The following CUX2 variants were observed in gnomAD, a reference collection of about 807,000 sequenced individuals.
CUX2 encodes the protein cut like homeobox 2, also known as homeobox protein cut-like 2.
CUX2 carries 40 observed loss-of-function variants against 144.8 expected under a neutral mutation model. The ratio of observed to expected loss-of-function variants is 0.28; its 90% confidence interval spans 0.21 to 0.36. The LOEUF (loss-of-function observed/expected upper bound fraction) is 0.36, where lower values mean the gene tolerates loss of function less well. Among genes scored for constraint, CUX2 ranks in the 10% least tolerant of loss-of-function variants. CUX2 has a pLI of 1.00. For missense variants in CUX2, 1,615 were observed against 1,994.0 expected (o/e 0.81, Z 3.62); for synonymous variants, 827 against 875.6 (o/e 0.94, Z 0.98).
At chr12:111,345,507 G>A (rs1416453424) in intron 21 of CUX2, among the ~76,000 whole-genome samples, 14 of 151,102 alleles carry the variant, frequency 9.3e-5, no homozygotes. Context: ...ACTTTGGGAG[G>A]CCAAGGCGGG....
chr12:111,206,339 A>G (rs1258025133), intron 1 of CUX2, among the ~76,000 whole-genome samples: 1 of 152,222 alleles, frequency 6.6e-6, no homozygotes, highest in Non-Finnish European at 1.5e-5. Context: ...CTAAGAAAAA[A>G]AAAGTTAAGG....
At position 111,350,145 on chromosome 12, in the gene CUX2, C is replaced by T. The variant is rs1349493290; in HGVS notation, c.*1820C>T. 1 of 152,496 alleles carries T rather than the reference C, an allele frequency of 6.6e-6. No homozygotes were observed. Among genetic ancestry groups the T allele is most frequent in the Non-Finnish European group, 1.5e-5 (1 of 68,044 alleles). 9.4% of individuals were successfully genotyped at this position (152,496 alleles called of 1,614,324 possible). A position where few individuals can be genotyped will look rare whatever the true frequency, so the allele number is the denominator to read the frequency against. On this transcript the variant is annotated 3_prime_UTR_variant, in exon 22 of 22. Coordinates refer to ENST00000261726, the MANE Select transcript of CUX2 (RefSeq NM_015267.4). ...TATTTTGACAATAGGAAACAGTGACCATTTTCAGAGTAATCAAATCTGGAA... is the reference window on the plus strand; with the variant it reads ...TATTTTGACAATAGGAAACAGTGACTATTTTCAGAGTAATCAAATCTGGAA...
chr12:111,233,991 T>C (rs1882611095), intron 3 of CUX2, among the ~76,000 whole-genome samples: 1 of 151,992 alleles, frequency 6.6e-6, no homozygotes, highest in Admixed American at 6.5e-5. Flanking sequence ...ATGGCCCTCC[T>C]AGGAGGTTCT....
rs1415714184 is a variant in CUX2 at position 111,186,098 on chromosome 12, T to G, written c.64-28102T>G. On this transcript the variant is annotated intron_variant, in intron 1 of 21. Transcript: ENST00000261726. This position sits in a 1 kb window ranked among gnomAD's most constrained non-coding sequence, Gnocchi z 4.4. ...GCCCTCTGTTCTGCCCTCGCCCCCT[T>G]TCTGTCTCCGTCTCACTAGATTTCG... 6.6e-6 allele frequency among the ~76,000 whole-genome samples: 1 copy of G among 151,916 alleles called. No individual in the cohort carries two copies. The highest frequency in any genetic ancestry group is 2.4e-5 in the African/African-American group (1 of 41,342).
chr12:111,323,785 A>T (rs895659413), intron 18 of CUX2, among the ~76,000 whole-genome samples: 8 of 145,862 alleles, frequency 5.5e-5, no homozygotes, highest in African/African-American at 2.1e-4. Flanking sequence ...GGCCGAGCAC[A>T]GTGGCTCACG....
intron 1 of CUX2, among the ~76,000 whole-genome samples, chr12:111,212,181 G>T (rs917831310): frequency 6.6e-6 from 1 of 152,216 alleles, no homozygotes; most frequent in Admixed American, 6.5e-5. Context: ...GTTGTGGTCA[G>T]TTGTAGTTTC....
intron 3 of CUX2, among the ~76,000 whole-genome samples, chr12:111,226,536 A>C (rs1882155174): frequency 6.6e-6 from 1 of 152,172 alleles, no homozygotes; most frequent in Admixed American, 6.5e-5. Context: ...CCAGTTAAGT[A>C]GTTATTTGCA....
chr12:111,040,091 A>G (rs1592841887), intron 1 of CUX2, among the ~76,000 whole-genome samples: 1 of 151,536 alleles, frequency 6.6e-6, no homozygotes, highest in Admixed American at 6.6e-5. Flanking sequence ...GTTTGAGACC[A>G]GCCTGGGCAA....
intron 18 of CUX2, among the ~76,000 whole-genome samples, chr12:111,334,136 G>A (rs529313795): frequency 4.6e-4 from 70 of 150,746 alleles, no homozygotes; most frequent in African/African-American, 1.6e-3. Flanking sequence ...GCAGTGAGCC[G>A]AGATCACACC....
Position 111,333,817 on chromosome 12 carries a change from A to T in CUX2, c.2927-624A>T, listed in dbSNP as rs1255572140. Among the ~76,000 whole-genome samples, 4 of 152,048 alleles carry T rather than the reference A, an allele frequency of 2.6e-5. No homozygotes were observed. In the South Asian group the frequency reaches 6.2e-4, roughly 24 times the overall value. On this transcript the variant is annotated intron_variant, in intron 18 of 21. Transcript: ENST00000261726. Reference sequence around the variant, plus strand: ...GGTTGCAGTGAGCCGAGATCGCACCACTGCACTCCAGCCTGGGTGACAGAG... The same window carrying T: ...GGTTGCAGTGAGCCGAGATCGCACCTCTGCACTCCAGCCTGGGTGACAGAG...
intron 3 of CUX2, among the ~76,000 whole-genome samples, chr12:111,253,348 A>C: frequency 1.7e-5 from 2 of 118,248 alleles, no homozygotes; most frequent in Admixed American, 9.6e-5. Flanking sequence ...TTCGTCTACC[A>C]TCTCCCGCCA....
rs189763099 is a variant in CUX2, at chr12:111,308,931, G to A, written c.1258+405G>A. Reference sequence around the variant, plus strand: ...CCGCTGACTTTTTTTTTGAGACCGAGTCTCTCTCTGTCGCCCAGGCTGGAG... The same window carrying A: ...CCGCTGACTTTTTTTTTGAGACCGAATCTCTCTCTGTCGCCCAGGCTGGAG... On this transcript the variant is annotated intron_variant, in intron 14 of 21. Coordinates refer to ENST00000261726, the MANE Select transcript of CUX2 (RefSeq NM_015267.4). Among the ~76,000 whole-genome samples the A allele has an allele frequency of 3.8e-3, 578 of 152,172 alleles. 4 individuals carry two copies. The highest frequency in any genetic ancestry group is 6.0e-3 in the Non-Finnish European group (411 of 67,980).
At chr12:111,347,366 G>A (rs768665322) in intron 21 of CUX2, among the ~76,000 whole-genome samples, 158 bp from the exon 22 acceptor site, 42 of 152,184 alleles carry the variant, frequency 2.8e-4, no homozygotes, top group African/African-American at 9.9e-4. Flanking sequence ...ACCTTGTGGC[G>A]TTGTTGAGAA....
At position 111,310,166 on chromosome 12, in the gene CUX2, C is replaced by T; in HGVS notation, c.1384C>T (p.Pro462Ser). ...CCCCCTGTCTCCCAGCCCCGGGCAG[C>T]CCCTGCTGGGCCCCAGCTTGGGGCC... The part of the protein sequence containing the change: ...EDPLSPSPGQ[P>S]LLGPSLGPDG... Residue 462 changes from proline (P) to serine (S), a missense_variant, in exon 15 of 22, where the codon CCC becomes TCC. Physicochemically the swap from Pro to Ser is moderately conservative, Grantham distance 74 (BLOSUM62 -1). Coordinates refer to ENST00000261726, the MANE Select transcript of CUX2 (RefSeq NM_015267.4). This position sits in a 1 kb window ranked among gnomAD's most constrained non-coding sequence, Gnocchi z 7.9. 1.3e-6 allele frequency: 2 copies of T among 1,554,336 alleles called. No homozygotes were observed. The highest frequency in any genetic ancestry group is 2.0e-5 in the Admixed American group (1 of 49,384).
At chr12:111,151,541 G>A (rs1003617898) in intron 1 of CUX2, among the ~76,000 whole-genome samples, 4 of 152,176 alleles carry the variant, frequency 2.6e-5, no homozygotes, top group Non-Finnish European at 5.9e-5. Context: ...TCGCAGTTTC[G>A]TCTGGATTTG....
chr12:111,277,657 T>C lies in CUX2; in HGVS notation c.302-13761T>C, dbSNP rs555783165. ...CCAGGAGGGCAGGAATTTTCTATCA[T>C]TTCCTGCTGGACCTCCACGGCCCAG... On this transcript the variant is annotated intron_variant, in intron 4 of 21. Coordinates refer to ENST00000261726, the MANE Select transcript of CUX2 (RefSeq NM_015267.4). This position sits in a 1 kb window ranked among gnomAD's most constrained non-coding sequence, Gnocchi z 5.0. Among the ~76,000 whole-genome samples, 4 of 152,252 alleles carry C rather than the reference T, an allele frequency of 2.6e-5. No homozygotes were observed. In the South Asian group the frequency reaches 6.2e-4, roughly 24 times the overall value.
intron 14 of CUX2, among the ~76,000 whole-genome samples, chr12:111,308,969 A>G (rs897233110): frequency 2.0e-5 from 3 of 151,074 alleles, no homozygotes; most frequent in African/African-American, 7.3e-5. Flanking sequence ...CAGTGGTGTG[A>G]TCTCGGCTCA....
At chr12:111,208,689 T>C (rs1024143118) in intron 1 of CUX2, among the ~76,000 whole-genome samples, 2 of 152,182 alleles carry the variant, frequency 1.3e-5, no homozygotes, top group Admixed American at 1.3e-4. Context: ...TGACGGGACA[T>C]GAAATTGTAA....
chr12:111,320,411 C>G lies in CUX2; in HGVS notation c.2402C>G (p.Ala801Gly). The change falls in exon 17 of 22, where the codon GCC becomes GGC. Residue 801 changes from alanine to glycine, a missense_variant. Around this residue, in one of 12 missense-constraint regions of CUX2, gnomAD observed 390 missense variants for 387.1 expected, o/e 1.01. Coordinates refer to ENST00000261726, the MANE Select transcript of CUX2 (RefSeq NM_015267.4). The surrounding 1 kb of genome is among the most constrained non-coding windows in gnomAD (Gnocchi z 8.1). ...CGCGGCCTGCTCAGCCGCCCCTACG[C>G]CTCCGTGTCGCCCTCGCTGTCCTCC... ...SDRGLLSRPY[A>G]SVSPSLSSSS... is the part of the protein sequence containing the mutation. 6.3e-7 allele frequency: 1 copy of G among 1,597,826 alleles called. No homozygotes were observed. The highest frequency in any genetic ancestry group is 1.7e-5 in the Admixed American group (1 of 59,946).
Sources: allele counts gnomAD v4.1 joint callset (sites outside exome capture counted in the v4.1 genomes callset), GRCh38; gene constraint gnomAD v4.1.1; regional missense constraint gnomAD v4.1.1; non-coding constraint Gnocchi (gnomAD v3.1); transcripts MANE v1.5; gene names NCBI Gene and HGNC (gene_info 2026-07-23, HGNC 2026-07-21).